Variants in DPP10 observed in about 807,000 individuals in gnomAD.
DPP10 encodes the protein dipeptidyl peptidase like 10.
Under a neutral mutation model 120.9 loss-of-function variants are expected in DPP10, and 33 were observed. The observed-to-expected ratio is 0.27, with a 90% CI of 0.21 to 0.37. DPP10 has a LOEUF of 0.37. Among genes scored for constraint, DPP10 ranks in the 10% least tolerant of loss-of-function variants. DPP10 has a pLI of 1.00. For synonymous variants in DPP10, 337 were observed against 326.1 expected (o/e 1.03, Z -0.36); for missense variants, 816 against 942.8 (o/e 0.87, Z 1.76).
chr2:115,076,775 T>C (rs1707834786), intron 1 of DPP10, among the ~76,000 whole-genome samples: 1 of 152,244 alleles, frequency 6.6e-6, no homozygotes, highest in Admixed American at 6.5e-5. Flanking sequence ...TTGTTTATAA[T>C]GTTAAATTGT....
At chr2:114,738,329 C>G (rs2105974059) in intron 1 of DPP10, among the ~76,000 whole-genome samples, 1 of 152,344 alleles carries the variant, frequency 6.6e-6, no homozygotes, top group Non-Finnish European at 1.5e-5. Flanking sequence ...CTTTCTCGGG[C>G]ATGAGCAGGC....
chr2:114,570,619 A>T (rs1181053535), intron 1 of DPP10, among the ~76,000 whole-genome samples: 4 of 151,712 alleles, frequency 2.6e-5, no homozygotes, highest in Non-Finnish European at 5.9e-5. Flanking sequence ...AGGTCAGGAG[A>T]TCGAGACCAT....
At chr2:114,552,091 A>G (rs1000731141) in intron 1 of DPP10, among the ~76,000 whole-genome samples, 15 of 152,350 alleles carry the variant, frequency 9.8e-5, no homozygotes, top group Admixed American at 7.2e-4. Context: ...ACAACATGGT[A>G]CAGTGGAAGG....
intron 1 of DPP10, among the ~76,000 whole-genome samples, chr2:114,629,390 T>A (rs984978064): frequency 6.6e-6 from 1 of 152,176 alleles, no homozygotes; most frequent in East Asian, 1.9e-4. Context: ...ATGCTTAATA[T>A]ATGTATTTAA....
At chr2:115,153,213 A>C (rs1175076648) in intron 1 of DPP10, among the ~76,000 whole-genome samples, 1 of 152,162 alleles carries the variant, frequency 6.6e-6, no homozygotes, top group Non-Finnish European at 1.5e-5. Flanking sequence ...TTGCTGCACA[A>C]ATATTCTTTA....
intron 1 of DPP10, among the ~76,000 whole-genome samples, chr2:115,148,763 C>T (rs2051369427): frequency 6.6e-6 from 1 of 152,172 alleles, no homozygotes; most frequent in Non-Finnish European, 1.5e-5. Flanking sequence ...CAAATACCAT[C>T]TTAACCGCTA....
intron 1 of DPP10, among the ~76,000 whole-genome samples, chr2:114,982,707 C>T (rs539173752): frequency 6.6e-6 from 1 of 151,632 alleles, no homozygotes; most frequent in Non-Finnish European, 1.5e-5. Context: ...CTCAATCCAT[C>T]CTCCCACCTC....
At chr2:115,280,706 C>T (rs1362967121) in intron 1 of DPP10, among the ~76,000 whole-genome samples, 1 of 152,184 alleles carries the variant, frequency 6.6e-6, no homozygotes, top group Non-Finnish European at 1.5e-5. Flanking sequence ...CTCAATTTTT[C>T]CCATTCAGTG....
At chr2:115,603,122 CTGTGTG>C (rs61161169) in intron 5 of DPP10, among the ~76,000 whole-genome samples, 10,808 of 143,580 alleles carry the variant, frequency 0.075, 557 homozygotes, top group Admixed American at 0.14. Context: ...ATAAATAAAA[CTGTGTG>C]TGTGTGTGTG....
At chr2:115,622,887 G>A (rs2085073700) in intron 5 of DPP10, among the ~76,000 whole-genome samples, 1 of 147,452 alleles carries the variant, frequency 6.8e-6, no homozygotes, top group Admixed American at 6.9e-5. Flanking sequence ...CTGTCGCCCA[G>A]GCTGGAGTGC....
intron 3 of DPP10, among the ~76,000 whole-genome samples, chr2:115,450,762 A>G (rs1316629172): frequency 2.0e-5 from 3 of 151,872 alleles, no homozygotes; most frequent in Non-Finnish European, 4.4e-5. Context: ...CTGAATGTTC[A>G]GGAAACTATG....
chr2:114,662,512 G>A (rs1429739132), intron 1 of DPP10, among the ~76,000 whole-genome samples: 1 of 152,122 alleles, frequency 6.6e-6, no homozygotes, highest in Admixed American at 6.5e-5. Flanking sequence ...TGTCAGACCC[G>A]CGACCACTAC....
chr2:115,201,553 G>A (rs924899487), intron 1 of DPP10, among the ~76,000 whole-genome samples: 4 of 152,268 alleles, frequency 2.6e-5, no homozygotes, highest in East Asian at 3.9e-4. Context: ...CTTCGCAGTC[G>A]ATGAAGCCTT....
chr2:115,371,309 C>T (rs565533736), intron 3 of DPP10, among the ~76,000 whole-genome samples: 3 of 152,070 alleles, frequency 2.0e-5, no homozygotes, highest in Non-Finnish European at 2.9e-5. Context: ...AAGTATAATA[C>T]AACTGGATGA....
intron 5 of DPP10, among the ~76,000 whole-genome samples, chr2:115,649,423 A>G (rs1019198617): frequency 3.3e-5 from 5 of 152,118 alleles, no homozygotes; most frequent in Admixed American, 6.6e-5. Context: ...ACATTTTGCT[A>G]TGATTTTCTT....
At chr2:115,792,768 C>T (rs987076032) in intron 19 of DPP10, among the ~76,000 whole-genome samples, 3 of 152,120 alleles carry the variant, frequency 2.0e-5, no homozygotes, top group African/African-American at 4.8e-5. Flanking sequence ...AGTCACGTCT[C>T]CCTTTGGTAA....
In DPP10 at chr2:114,751,894, C is replaced by CCCGGGATTTTATTA. The variant is rs561515173; in HGVS notation, c.60+309057_60+309070dup. The stretch of plus-strand genomic sequence containing the variant: ...TAAACTTTAATGTGCTTACCAGTCG[C>CCCGGGATTTTATTA]CCGGGATTTTATTAAAGTGCAGATT... On this transcript the variant is annotated intron_variant, in intron 1 of 25. Coordinates refer to ENST00000410059, the MANE Select transcript of DPP10 (RefSeq NM_020868.6). Among the ~76,000 whole-genome samples the CCCGGGATTTTATTA allele has an allele frequency of 1.4e-4, 22 of 152,290 alleles. No homozygotes were observed. In the South Asian group the frequency reaches 4.6e-3, roughly 32 times the overall value.
chr2:114,806,104 T>A (rs950775605), intron 1 of DPP10, among the ~76,000 whole-genome samples: 1 of 152,334 alleles, frequency 6.6e-6, no homozygotes, highest in Non-Finnish European at 1.5e-5. Context: ...AAATTATCCA[T>A]CTCAGGGAAT....
Position 114,442,805 on chromosome 2 carries a change from T to C in DPP10, c.27T>C (p.His9=). 1 of 1,613,434 alleles carries C rather than the reference T, an allele frequency of 6.2e-7. No individual in the cohort carries two copies. The highest frequency in any genetic ancestry group is 8.5e-7 in the Non-Finnish European group (1 of 1,179,562). The change falls in exon 1 of 26, where the codon CAT becomes CAC. Residue 9 remains histidine, a synonymous_variant. Transcript: ENST00000410059. ...TGAACCAAACTGCCAGCGTGTCCCA[T>C]CACATCAAGTGTCAACCCTCAAAAA... MNQTASVS[H]HIKCQPSKTI...
Sources: gnomAD v4.1 joint callset for allele counts (sites outside exome capture counted in the v4.1 genomes callset) on GRCh38, gnomAD v4.1.1 for gene constraint, MANE v1.5 for transcripts, NCBI Gene and HGNC (gene_info 2026-07-23, HGNC 2026-07-21) for gene names.